The following THSD7B variants were observed in gnomAD, a reference collection of about 807,000 sequenced individuals.
The protein encoded by THSD7B is thrombospondin type 1 domain containing 7B.
THSD7B carries 138 observed loss-of-function variants against 213.6 expected under a neutral mutation model. That is an observed-to-expected ratio of 0.65 (90% CI 0.56 to 0.74). The LOEUF (loss-of-function observed/expected upper bound fraction) is 0.74, where lower values mean the gene tolerates loss of function less well. Ranked by LOEUF, THSD7B falls within the 30% of genes least tolerant of loss-of-function variation. The pLI is 0.00. For missense variants in THSD7B, 1,931 were observed against 1,991.5 expected (o/e 0.97, Z 0.58); for synonymous variants, 742 against 687.0 (o/e 1.08, Z -1.25).
At chr2:137,386,351 C>T (rs1305684090) in intron 12 of THSD7B, among the ~76,000 whole-genome samples, 1 of 152,112 alleles carries the variant, frequency 6.6e-6, no homozygotes, top group Non-Finnish European at 1.5e-5. Flanking sequence ...ATTGTAGGAA[C>T]ATTGGTTGAG....
rs1230427397 is a variant in THSD7B, at chr2:136,890,329, T to C, written c.139+8012T>C. Among the ~76,000 whole-genome samples the C allele has an allele frequency of 5.4e-4, 5 of 9,322 alleles. 1 individual carries two copies. Among genetic ancestry groups the C allele is most frequent in the Non-Finnish European group, 7.6e-4 (3 of 3,968 alleles). 6.1% of individuals were successfully genotyped at this position (9,322 alleles called of 152,430 possible). On this transcript the variant is annotated intron_variant, in intron 2 of 27. Transcript: ENST00000409968. ...CTTCTTCTTCTTCTTCTTCTTCTTC[T>C]TCTTCTTCTTCTTCTTCTTCTTCTT...
intron 2 of THSD7B, among the ~76,000 whole-genome samples, chr2:137,036,174 A>T (rs988521055): frequency 1.3e-5 from 2 of 152,194 alleles, no homozygotes; most frequent in African/African-American, 2.4e-5. Context: ...ATGCACATGA[A>T]ATACTCACTC....
rs111734397 is a variant in THSD7B, at chr2:137,046,558, C to T, written c.140-9862C>T. 8.6e-4 allele frequency among the ~76,000 whole-genome samples: 131 copies of T among 151,806 alleles called. 1 individual carries two copies. The highest frequency in any genetic ancestry group is 2.9e-3 in the African/African-American group (121 of 41,402). ...CAGCCTGGCCAACATGGCGAAACAC[C>T]GTCTCTACTAAAAATACAAAAATTA... On this transcript the variant is annotated intron_variant, in intron 2 of 27. Transcript: ENST00000409968.
chr2:137,540,141 A>G (rs1368680831), intron 15 of THSD7B, among the ~76,000 whole-genome samples: 1 of 151,770 alleles, frequency 6.6e-6, no homozygotes, highest in Non-Finnish European at 1.5e-5. Flanking sequence ...CTGCTAGAGT[A>G]GCACAAAAGC....
chr2:136,937,215 A>C (rs1684749826), intron 2 of THSD7B, among the ~76,000 whole-genome samples: 1 of 151,670 alleles, frequency 6.6e-6, no homozygotes, highest in Non-Finnish European at 1.5e-5. Flanking sequence ...TGGAATTCCT[A>C]TTCTAGCCAC....
chr2:136,865,367 T>C (rs1683317027), intron 1 of THSD7B, among the ~76,000 whole-genome samples: 1 of 152,214 alleles, frequency 6.6e-6, no homozygotes, highest in Non-Finnish European at 1.5e-5. Context: ...TCAAAGGCTT[T>C]AGATTAAAAA....
intron 14 of THSD7B, among the ~76,000 whole-genome samples, chr2:137,423,693 A>G (rs1686977984): frequency 6.6e-6 from 1 of 152,146 alleles, no homozygotes; most frequent in Non-Finnish European, 1.5e-5. Flanking sequence ...TTAATGGATG[A>G]TAATTCTTAA....
At chr2:136,795,956 A>T (rs1682053443) in intron 1 of THSD7B, among the ~76,000 whole-genome samples, 1 of 151,738 alleles carries the variant, frequency 6.6e-6, no homozygotes, top group South Asian at 2.1e-4. Flanking sequence ...GTCTGCTTTT[A>T]TTTTTTCCCC....
intron 14 of THSD7B, among the ~76,000 whole-genome samples, chr2:137,418,217 G>A (rs1686841624): frequency 1.3e-5 from 2 of 152,054 alleles, no homozygotes; most frequent in South Asian, 2.1e-4. Flanking sequence ...GCTACTTTAT[G>A]TTTATTGTAG....
intron 12 of THSD7B, among the ~76,000 whole-genome samples, chr2:137,302,309 G>A (rs1683625744): frequency 6.6e-6 from 1 of 152,144 alleles, no homozygotes; most frequent in Admixed American, 6.5e-5. Context: ...AGGAGAAGAT[G>A]CCAGTGGTGC....
At chr2:136,925,219 A>G (rs530197057) in intron 2 of THSD7B, among the ~76,000 whole-genome samples, 7 of 152,286 alleles carry the variant, frequency 4.6e-5, no homozygotes, top group African/African-American at 1.7e-4. Flanking sequence ...GTTGGATAGC[A>G]GTGGTGAGAG....
At chr2:136,889,955 C>T (rs966064918) in intron 2 of THSD7B, among the ~76,000 whole-genome samples, 17 of 152,024 alleles carry the variant, frequency 1.1e-4, no homozygotes, top group African/African-American at 2.7e-4. Context: ...TTTTCAAATC[C>T]GTTGATGTCT....
At chr2:137,646,683 A>ATAATAATAATAAT (rs61050061) in intron 21 of THSD7B, among the ~76,000 whole-genome samples, 1 of 149,374 alleles carries the variant, frequency 6.7e-6, no homozygotes, top group Non-Finnish European at 1.5e-5. Context: ...AATAATAATA[A>ATAATAATAATAAT]ACACTTCACT....
At chr2:137,224,078 T>G (rs1681441768) in intron 7 of THSD7B, among the ~76,000 whole-genome samples, 1 of 152,190 alleles carries the variant, frequency 6.6e-6, no homozygotes, top group African/African-American at 2.4e-5. Context: ...AGTGTGAGAA[T>G]GAACTAACAC....
intron 1 of THSD7B, among the ~76,000 whole-genome samples, chr2:136,826,664 C>CT (rs11443425): frequency 0.15 from 23,032 of 152,078 alleles, 1,851 homozygotes; most frequent in Middle Eastern, 0.31. Flanking sequence ...GCAAAATGTG[C>CT]TTTTTTTGCA....
At chr2:137,379,671 T>C (rs1381381265) in intron 12 of THSD7B, among the ~76,000 whole-genome samples, 1 of 152,206 alleles carries the variant, frequency 6.6e-6, no homozygotes, top group Non-Finnish European at 1.5e-5. Flanking sequence ...ATGAGATTGC[T>C]AGAACATCCT....
At chr2:136,901,571 C>T (rs1279290854) in intron 2 of THSD7B, among the ~76,000 whole-genome samples, 2 of 152,176 alleles carry the variant, frequency 1.3e-5, no homozygotes, top group Non-Finnish European at 2.9e-5. Flanking sequence ...GCTATTTAAA[C>T]ACTCCTCACT....
intron 15 of THSD7B, among the ~76,000 whole-genome samples, chr2:137,500,366 G>T (rs146871649): frequency 6.6e-6 from 1 of 152,174 alleles, no homozygotes; most frequent in Admixed American, 6.5e-5. Flanking sequence ...TGACTCAGTA[G>T]CAAAGATCTA....
At chr2:137,361,754 T>C (rs1168524250) in intron 12 of THSD7B, among the ~76,000 whole-genome samples, 2 of 152,180 alleles carry the variant, frequency 1.3e-5, no homozygotes, top group East Asian at 3.9e-4. Context: ...AATCTACGTT[T>C]GATTGGTGTA....
Sources: gnomAD v4.1 joint callset for allele counts (sites outside exome capture counted in the v4.1 genomes callset) on GRCh38, gnomAD v4.1.1 for gene constraint, MANE v1.5 for transcripts, NCBI Gene and HGNC (gene_info 2026-07-23, HGNC 2026-07-21) for gene names.